Variants in TMEM132B observed in about 807,000 individuals in gnomAD.
TMEM132B encodes the protein transmembrane protein 132B.
A neutral mutation model predicts 90.8 loss-of-function variants in TMEM132B; 18 were observed. The observed-to-expected ratio is 0.20, with a 90% CI of 0.14 to 0.29. The LOEUF (loss-of-function observed/expected upper bound fraction) is 0.29, where lower values mean the gene tolerates loss of function less well. TMEM132B is among the 10% of genes least tolerant of loss of function. The pLI is 1.00. For synonymous variants in TMEM132B, 504 were observed against 523.3 expected (o/e 0.96, Z 0.50); for missense variants, 1,096 against 1,326.8 (o/e 0.83, Z 2.70).
At chr12:125,506,124 G>T (rs1448639165) in intron 3 of TMEM132B, among the ~76,000 whole-genome samples, 1 of 152,210 alleles carries the variant, frequency 6.6e-6, no homozygotes, top group African/African-American at 2.4e-5. Context: ...ACTCAAGTGT[G>T]CATTAACTGA....
At position 125,517,857 on chromosome 12, in the gene TMEM132B, T is replaced by C. The variant is rs73414359; in HGVS notation, c.1107-1582T>C. On this transcript the variant is annotated intron_variant, in intron 3 of 8. Transcript: ENST00000682704. ...CAAAGCAGGTCAGCAGTTGTCTACC[T>C]GCCCTGTGCAACATGTCACCAAGGG... 8.4e-3 allele frequency among the ~76,000 whole-genome samples: 1,278 copies of C among 152,332 alleles called. 15 individuals are homozygous for C. The highest frequency in any genetic ancestry group is 0.029 in the African/African-American group (1,216 of 41,568).
intron 1 of TMEM132B, among the ~76,000 whole-genome samples, chr12:125,325,100 GT>G (rs1452326337): frequency 5.3e-5 from 8 of 152,150 alleles, no homozygotes; most frequent in African/African-American, 1.9e-4. Flanking sequence ...CAGTTCCATT[GT>G]GTTTACAATT....
intron 3 of TMEM132B, among the ~76,000 whole-genome samples, chr12:125,456,754 T>C (rs1440121980): frequency 6.6e-6 from 1 of 152,220 alleles, no homozygotes; most frequent in Non-Finnish European, 1.5e-5. Flanking sequence ...GTCTTGTTTG[T>C]CTCTGTGTCC....
chr12:125,527,486 T>TTCCATCCACCCATCCACCCC, intron 4 of TMEM132B, among the ~76,000 whole-genome samples: 1 of 134,374 alleles, frequency 7.4e-6, no homozygotes, highest in African/African-American at 2.8e-5. Context: ...CCATCCACCC[T>TTCCATCCACCCATCCACCCC]TCCAACCACC....
At chr12:125,517,306 G>A (rs1397982619) in intron 3 of TMEM132B, among the ~76,000 whole-genome samples, 4 of 136,700 alleles carry the variant, frequency 2.9e-5, no homozygotes, top group African/African-American at 1.1e-4. Flanking sequence ...GACTACAGGC[G>A]CCCGCCACCA....
At chr12:125,473,594 G>A (rs1014161653) in intron 3 of TMEM132B, among the ~76,000 whole-genome samples, 17 of 152,150 alleles carry the variant, frequency 1.1e-4, no homozygotes, top group African/African-American at 3.6e-4. Flanking sequence ...TCTGTATTGG[G>A]CCAGTCAACA....
Position 125,453,866 on chromosome 12 carries a change from C to G in TMEM132B, c.1106+38189C>G, listed in dbSNP as rs538999952. On this transcript the variant is annotated intron_variant, in intron 3 of 8. Coordinates refer to ENST00000682704, the MANE Select transcript of TMEM132B (RefSeq NM_001366854.1). ...ATGCTCAGCCTGGTGTGTACCGACT[C>G]TGCTTGTCACCATGCCACAGCCAAT... Among the ~76,000 whole-genome samples, 30 of 152,304 alleles carry G rather than the reference C, an allele frequency of 2.0e-4. No individual in the cohort carries two copies. In the South Asian group the frequency reaches 5.4e-3, roughly 27 times the overall value.
intron 3 of TMEM132B, among the ~76,000 whole-genome samples, chr12:125,416,452 A>C (rs1880017609): frequency 6.6e-6 from 1 of 152,198 alleles, no homozygotes; most frequent in Admixed American, 6.5e-5. Context: ...GCCCCTTCCG[A>C]GTTTGTTGCT....
At chr12:125,259,366 CCA>C (rs538377061) in intron 1 of TMEM132B, among the ~76,000 whole-genome samples, 75 of 152,324 alleles carry the variant, frequency 4.9e-4, no homozygotes, top group African/African-American at 1.6e-3. Flanking sequence ...TACCTCTTAG[CCA>C]CACAGGGCTG....
chr12:125,444,478 C>T (rs1361267669), intron 3 of TMEM132B, among the ~76,000 whole-genome samples: 1 of 152,128 alleles, frequency 6.6e-6, no homozygotes, highest in Non-Finnish European at 1.5e-5. Context: ...TTTAATTTCC[C>T]TAATGGAACC....
Position 125,482,129 on chromosome 12 carries a change from T to C in TMEM132B, c.1107-37310T>C, listed in dbSNP as rs559699000. On this transcript the variant is annotated intron_variant, in intron 3 of 8. Transcript: ENST00000682704. ...CAAGATGGATTAAAGACTTAAATGTTAGACCTAAAACCATAAAAGCCCTAG... is the reference window on the plus strand; with the variant it reads ...CAAGATGGATTAAAGACTTAAATGTCAGACCTAAAACCATAAAAGCCCTAG... Among the ~76,000 whole-genome samples, 16 of 152,292 alleles carry C rather than the reference T, an allele frequency of 1.1e-4. No homozygotes were observed. The East Asian group carries it at 3.1e-3, about 29-fold the overall frequency.
intron 1 of TMEM132B, among the ~76,000 whole-genome samples, chr12:125,280,883 G>A (rs1052957977): frequency 3.3e-5 from 5 of 152,216 alleles, no homozygotes; most frequent in African/African-American, 1.2e-4. Context: ...TTGAGAGGAG[G>A]GGGTAGGAGT....
Position 125,519,432 on chromosome 12 carries a change from T to C in TMEM132B, c.1107-7T>C. ...AAATGGAACCTTAATATGTGTTTGT[T>C]TTCCAGGGTAAATGGATCCTTCTAT... On this transcript the variant is annotated splice_region_variant and splice_polypyrimidine_tract_variant and intron_variant, in intron 3 of 8. Coordinates refer to ENST00000682704, the MANE Select transcript of TMEM132B (RefSeq NM_001366854.1). The C allele has an allele frequency of 6.3e-7, 1 of 1,595,084 alleles. No homozygotes were observed.
chr12:125,285,272 G>A (rs1205262874), intron 1 of TMEM132B, among the ~76,000 whole-genome samples: 2 of 152,210 alleles, frequency 1.3e-5, no homozygotes, highest in Non-Finnish European at 2.9e-5. Context: ...GGTTGAGTGA[G>A]GGATTTCCGC....
chr12:125,274,619 T>C (rs576177629), intron 1 of TMEM132B, among the ~76,000 whole-genome samples: 6 of 152,350 alleles, frequency 3.9e-5, no homozygotes, highest in South Asian at 2.1e-4. Context: ...TTGGGTTCAT[T>C]TGGGGAAGAA....
At chr12:125,402,645 C>T (rs139089717) in intron 2 of TMEM132B, among the ~76,000 whole-genome samples, 1 of 152,320 alleles carries the variant, frequency 6.6e-6, no homozygotes, top group Non-Finnish European at 1.5e-5. Context: ...CAGAATCTGA[C>T]CAATCAAGAT....
intron 3 of TMEM132B, among the ~76,000 whole-genome samples, chr12:125,430,173 G>A (rs1383844734): frequency 6.6e-6 from 1 of 152,186 alleles, no homozygotes; most frequent in African/African-American, 2.4e-5. Flanking sequence ...AATGAATAAT[G>A]CAGGATGATT....
At chr12:125,482,929 G>A (rs1227458736) in intron 3 of TMEM132B, among the ~76,000 whole-genome samples, 1 of 152,166 alleles carries the variant, frequency 6.6e-6, no homozygotes, top group African/African-American at 2.4e-5. Context: ...AAAAGGATGA[G>A]TTCATGTCCT....
intron 1 of TMEM132B, among the ~76,000 whole-genome samples, chr12:125,268,814 A>G (rs1874754295): frequency 6.6e-6 from 1 of 152,204 alleles, no homozygotes; most frequent in African/African-American, 2.4e-5. Context: ...GATAAAAGAC[A>G]AGAAAGACTA....
Sources: gnomAD v4.1 joint callset for allele counts (sites outside exome capture counted in the v4.1 genomes callset) on GRCh38, gnomAD v4.1.1 for gene constraint, MANE v1.5 for transcripts, NCBI Gene and HGNC (gene_info 2026-07-23, HGNC 2026-07-21) for gene names.